Variants in PTPRE observed in about 807,000 individuals in gnomAD.
The protein encoded by PTPRE is protein tyrosine phosphatase receptor type E, also known as receptor-type tyrosine-protein phosphatase epsilon.
Under a neutral mutation model 102.0 loss-of-function variants are expected in PTPRE, and 51 were observed. The ratio of observed to expected loss-of-function variants is 0.50; its 90% CI spans 0.40 to 0.63. The LOEUF is 0.63. PTPRE is among the 30% of genes least tolerant of loss of function. The probability of loss-of-function intolerance (pLI) is 0.00; values close to 1 mark genes in which losing one functional copy is unlikely to be tolerated. For missense variants in PTPRE, 752 were observed against 915.1 expected, an observed-to-expected ratio of 0.82 and a Z score of 2.30; for synonymous variants, 345 against 348.2, an observed-to-expected ratio of 0.99 and a Z score of 0.10.
At chr10:128,005,387 T>C (rs1854425155) in intron 2 of PTPRE, among the ~76,000 whole-genome samples, 1 of 152,182 alleles carries the variant, frequency 6.6e-6, no homozygotes, top group Admixed American at 6.5e-5. Context: ...CATTCAATCC[T>C]TGCTCATCTA....
chr10:127,956,596 T>A (rs373295120), intron 1 of PTPRE, among the ~76,000 whole-genome samples: 1 of 152,188 alleles, frequency 6.6e-6, no homozygotes, highest in Non-Finnish European at 1.5e-5. Context: ...TGCCAAGGAG[T>A]GCAATTGCTG....
intron 1 of PTPRE, among the ~76,000 whole-genome samples, chr10:127,952,479 G>C (rs1589817921): frequency 6.6e-6 from 1 of 152,116 alleles, no homozygotes; most frequent in East Asian, 1.9e-4. Context: ...TACTTAAAGA[G>C]TTAAGTATTT....
chr10:127,917,952 C>T (rs978192646), intron 1 of PTPRE, among the ~76,000 whole-genome samples: 6 of 152,096 alleles, frequency 3.9e-5, no homozygotes, highest in African/African-American at 1.4e-4. Flanking sequence ...ATCGCTTGAA[C>T]CCATGACACA....
chr10:128,080,826 G>A (rs532775755), intron 20 of PTPRE, among the ~76,000 whole-genome samples: 15 of 152,202 alleles, frequency 9.9e-5, no homozygotes, highest in Non-Finnish European at 2.2e-4. Flanking sequence ...GGCCCGTGGC[G>A]AGGGCTCCAG....
At chr10:127,956,146 G>A (rs551161681) in intron 1 of PTPRE, among the ~76,000 whole-genome samples, 22 of 152,276 alleles carry the variant, frequency 1.4e-4, no homozygotes, top group African/African-American at 4.3e-4. Context: ...ATGATTTCAG[G>A]AGTTGCATAT....
chr10:128,050,331 G>A (rs544105844), intron 6 of PTPRE, among the ~76,000 whole-genome samples: 9 of 38,594 alleles, frequency 2.3e-4, no homozygotes, highest in African/African-American at 5.0e-4. Flanking sequence ...GTGGGAGGGC[G>A]GATGGATGGA....
At chr10:127,950,854 T>C (rs1301594160) in intron 1 of PTPRE, among the ~76,000 whole-genome samples, 1 of 152,066 alleles carries the variant, frequency 6.6e-6, no homozygotes, top group Non-Finnish European at 1.5e-5. Context: ...CCCAGCACTT[T>C]GGGAGGCCGA....
intron 1 of PTPRE, among the ~76,000 whole-genome samples, chr10:127,922,290 T>G (rs1846658542): frequency 1.3e-5 from 2 of 152,230 alleles, no homozygotes; most frequent in Admixed American, 1.3e-4. Flanking sequence ...GAGACTCCAA[T>G]GGTGAACAAA....
chr10:127,913,623 C>G (rs1375239822), intron 1 of PTPRE, among the ~76,000 whole-genome samples: 1 of 152,210 alleles, frequency 6.6e-6, no homozygotes, highest in Non-Finnish European at 1.5e-5. Flanking sequence ...TTGCTGTCCA[C>G]AGGCTTGGCC....
chr10:128,048,982 C>T (rs555578065), intron 5 of PTPRE, among the ~76,000 whole-genome samples: 5 of 152,298 alleles, frequency 3.3e-5, no homozygotes, highest in South Asian at 4.1e-4. Flanking sequence ...TCCCTTATAA[C>T]GCGTACTTCT....
intron 1 of PTPRE, among the ~76,000 whole-genome samples, chr10:127,912,335 C>G (rs1845920203): frequency 6.6e-6 from 1 of 152,114 alleles, no homozygotes; most frequent in African/African-American, 2.4e-5. Flanking sequence ...TATATTGATT[C>G]CCAATGAAAT....
intron 2 of PTPRE, among the ~76,000 whole-genome samples, chr10:128,009,336 A>C (rs761226559): frequency 5.3e-5 from 8 of 152,204 alleles, no homozygotes; most frequent in Non-Finnish European, 4.4e-5. Context: ...GAAAAGGGTA[A>C]AACATCAACG....
intron 1 of PTPRE, among the ~76,000 whole-genome samples, chr10:127,931,746 C>A (rs1847458968): frequency 6.6e-6 from 1 of 152,132 alleles, no homozygotes; most frequent in Admixed American, 6.5e-5. Flanking sequence ...GAGTTTTTTT[C>A]TTAATGCAGG....
At position 127,957,225 on chromosome 10, in the gene PTPRE, A is replaced by T. The variant is rs567440963; in HGVS notation, c.-30-25049A>T. On this transcript the variant is annotated intron_variant, in intron 1 of 20. Transcript: ENST00000254667. ...TTTGCATCTTACATTTAGGTCTATG[A>T]TCTATTTTGAGTTAATTTTTTGTGA... is the stretch of plus-strand genomic sequence containing the variant. Among the ~76,000 whole-genome samples the T allele has an allele frequency of 1.2e-4, 19 of 152,108 alleles. No individual in the cohort carries two copies. The South Asian group carries it at 3.5e-3, about 28-fold the overall frequency.
chr10:127,929,344 AG>A (rs1254312485), intron 1 of PTPRE: 1 of 152,254 alleles, frequency 6.6e-6, no homozygotes, highest in East Asian at 1.9e-4. Context: ...AATATAATAA[AG>A]TATTTTAAGC....
chr10:127,916,515 T>C (rs1846219139), intron 1 of PTPRE, among the ~76,000 whole-genome samples: 1 of 152,210 alleles, frequency 6.6e-6, no homozygotes, highest in South Asian at 2.1e-4. Flanking sequence ...GGCAGTTCTT[T>C]ATAGCAGTAT....
Position 128,085,007 on chromosome 10 carries a change from C to T in PTPRE, c.*2101C>T. On this transcript the variant is annotated 3_prime_UTR_variant, in exon 21 of 21. Coordinates refer to ENST00000254667, the MANE Select transcript of PTPRE (RefSeq NM_006504.6). The stretch of plus-strand genomic sequence containing the variant: ...GCCCTGCTCATGTTTTTTTCCTGTC[C>T]CCTTAGACCAACCCCAGGTGTCCAC... 1 of 421,332 alleles carries T rather than the reference C, an allele frequency of 2.4e-6. No individual in the cohort carries two copies. The highest frequency in any genetic ancestry group is 4.8e-6 in the Non-Finnish European group (1 of 209,590). 26.1% of individuals were successfully genotyped at this position (421,332 alleles called of 1,614,324 possible).
chr10:128,010,542 G>GT (rs1441432658), intron 2 of PTPRE, among the ~76,000 whole-genome samples: 16 of 71,792 alleles, frequency 2.2e-4, no homozygotes, highest in African/African-American at 7.3e-4. Context: ...GTCAAACCCT[G>GT]TTCCTTTTCT....
In PTPRE at chr10:128,011,930, G is replaced by A. The variant is rs541011927; in HGVS notation, c.-7-28945G>A. On this transcript the variant is annotated intron_variant, in intron 2 of 20. Transcript: ENST00000254667. Reference sequence around the variant, plus strand: ...CTGTGTCCTCACCCATCCTAAGGGCGGAAACTGTCCCAAGATCAGAGAAGG... The same window carrying A: ...CTGTGTCCTCACCCATCCTAAGGGCAGAAACTGTCCCAAGATCAGAGAAGG... Among the ~76,000 whole-genome samples, 4 of 152,344 alleles carry A rather than the reference G, an allele frequency of 2.6e-5. No individual in the cohort carries two copies. In the East Asian group the frequency reaches 5.8e-4, roughly 22 times the overall value.
Sources: allele counts gnomAD v4.1 joint callset (sites outside exome capture counted in the v4.1 genomes callset), GRCh38; gene constraint gnomAD v4.1.1; transcripts MANE v1.5; gene names NCBI Gene and HGNC (gene_info 2026-07-23, HGNC 2026-07-21).